The following ORC2 variants were observed in gnomAD, a reference collection of about 807,000 sequenced individuals.
ORC2 encodes origin recognition complex subunit 2.
In ORC2, 37 loss-of-function variants were observed where a neutral mutation model predicts 77.7. The ratio of observed to expected loss-of-function variants is 0.48; its 90% confidence interval spans 0.37 to 0.63. The LOEUF is 0.63. ORC2 is among the 20% of genes least tolerant of loss of function. The pLI, the probability that ORC2 is intolerant of heterozygous loss-of-function variation, is 0.00. For missense variants in ORC2, 557 were observed against 661.9 expected, an observed-to-expected ratio of 0.84 and a Z score of 1.74; for synonymous variants, 201 against 229.5, an observed-to-expected ratio of 0.88 and a Z score of 1.12.
chr2:200,960,785 T>C (rs1460196122), intron 1 of ORC2, among the ~76,000 whole-genome samples: 1 of 149,866 alleles, frequency 6.7e-6, no homozygotes, highest in African/African-American at 2.4e-5. Flanking sequence ...TAACTTCTTC[T>C]TTTTTTTTTC....
chr2:200,952,389 A>G (rs554958656), intron 4 of ORC2, among the ~76,000 whole-genome samples: 93 of 152,106 alleles, frequency 6.1e-4, no homozygotes, highest in African/African-American at 2.1e-3. Context: ...CCTCCCGAGT[A>G]GCTGGGACTA....
Position 200,913,374 on chromosome 2 carries a change from G to A in ORC2, c.1568C>T (p.Ala523Val). The change falls in exon 17 of 18, where the codon GCA becomes GTA. Residue 523 changes from alanine to valine, a missense_variant. Physicochemically the swap from Ala to Val is moderately conservative, Grantham distance 64. Transcript: ENST00000234296. ...FQDFYQQCRE[A>V]FLVNSDLTLR... ...TGTCAGATCACTATTGACGAGGAAT[G>A]CCTCCCGACACTGCTGGTAAAAATC... The A allele has an allele frequency of 6.3e-7, 1 of 1,598,476 alleles. No individual in the cohort carries two copies. Among genetic ancestry groups the A allele is most frequent in the African/African-American group, 1.3e-5 (1 of 74,646 alleles).
At chr2:200,914,168 T>TC (rs2040600116) in intron 15 of ORC2, among the ~76,000 whole-genome samples, 176 bp from the exon 16 acceptor site, 1 of 148,580 alleles carries the variant, frequency 6.7e-6, no homozygotes, top group African/African-American at 2.5e-5. Flanking sequence ...CTAATTTCTT[T>TC]TTTTTTTTTT....
Position 200,926,876 on chromosome 2 carries a change from A to G in ORC2, c.942T>C (p.Tyr314=), listed in dbSNP as rs1378771974. Residue 314 remains tyrosine (Y), a synonymous_variant, in exon 12 of 18, where the codon TAT becomes TAC. Coordinates refer to ENST00000234296, the MANE Select transcript of ORC2 (RefSeq NM_006190.5). The part of the protein sequence containing the change: ...QLHLGFNIVL[Y]GLGSKRDLLE... ...GTAAATCTCTCTTAGAACCCAAACC[A>G]TAAAGCACAATGTTGAACCCAAGGC... is the stretch of plus-strand genomic sequence containing the variant. 6.2e-7 allele frequency: 1 copy of G among 1,614,008 alleles called. No homozygotes were observed. Among genetic ancestry groups the G allele is most frequent in the Non-Finnish European group, 8.5e-7 (1 of 1,179,934 alleles).
intron 11 of ORC2, among the ~76,000 whole-genome samples, chr2:200,929,918 G>C (rs1405251298): frequency 6.6e-6 from 1 of 152,156 alleles, no homozygotes; most frequent in Non-Finnish European, 1.5e-5. Flanking sequence ...TTTCAGATGA[G>C]TTTAATTTTA....
chr2:200,948,261 C>G (rs1187701379), intron 5 of ORC2, among the ~76,000 whole-genome samples: 1 of 152,034 alleles, frequency 6.6e-6, no homozygotes, highest in Non-Finnish European at 1.5e-5. Flanking sequence ...GTTGCCCAGG[C>G]TGGTACTGAA....
chr2:200,944,421 C>A (rs2041214627), intron 5 of ORC2, among the ~76,000 whole-genome samples: 1 of 152,176 alleles, frequency 6.6e-6, no homozygotes, highest in Non-Finnish European at 1.5e-5. Flanking sequence ...GATCTGCCTG[C>A]CTTGGCCTCC....
chr2:200,922,375 T>TA (rs777219779), intron 13 of ORC2, among the ~76,000 whole-genome samples: 1,542 of 68,408 alleles, frequency 0.023, 22 homozygotes, highest in Middle Eastern at 0.047. Flanking sequence ...ATGAAATAGG[T>TA]AAAAAAAAAA....
chr2:200,930,505 A>G (rs919189575), intron 11 of ORC2, among the ~76,000 whole-genome samples: 5 of 140,992 alleles, frequency 3.5e-5, no homozygotes, highest in Non-Finnish European at 7.6e-5. Context: ...TCCTAGCATA[A>G]CTTTTTTTTT....
intron 11 of ORC2, among the ~76,000 whole-genome samples, chr2:200,930,442 TA>T (rs2040920082): frequency 6.6e-6 from 1 of 151,810 alleles, no homozygotes; most frequent in African/African-American, 2.4e-5. Context: ...CATAGATCCA[TA>T]AATAGTTATT....
chr2:200,956,310 G>A (rs1347077731), intron 4 of ORC2, among the ~76,000 whole-genome samples: 2 of 151,842 alleles, frequency 1.3e-5, no homozygotes, highest in African/African-American at 4.8e-5. Context: ...GCTCACTGCT[G>A]CCTCAACCTC....
chr2:200,924,184 C>CA (rs2040804702), intron 13 of ORC2, among the ~76,000 whole-genome samples: 1 of 151,992 alleles, frequency 6.6e-6, no homozygotes, highest in Non-Finnish European at 1.5e-5. Flanking sequence ...TCCATCTCTA[C>CA]AAAAAATTTT....
chr2:200,939,620 C>A (rs1289530621), intron 7 of ORC2, among the ~76,000 whole-genome samples: 1 of 152,158 alleles, frequency 6.6e-6, no homozygotes, highest in Non-Finnish European at 1.5e-5. Context: ...AATCAGTTTA[C>A]CATTTTGAAA....
intron 12 of ORC2, 108 bp from the exon 13 acceptor site, chr2:200,926,040 A>G (rs1436424932): frequency 4.5e-6 from 2 of 444,292 alleles, no homozygotes; most frequent in Non-Finnish European, 8.2e-6. Flanking sequence ...TGGATTTCCC[A>G]AAAGTTTAAA....
At chr2:200,952,579 C>G (rs1363816016) in intron 4 of ORC2, among the ~76,000 whole-genome samples, 1 of 151,900 alleles carries the variant, frequency 6.6e-6, no homozygotes, top group Non-Finnish European at 1.5e-5. Context: ...TTATTTTTGT[C>G]TGAATGTCAA....
chr2:200,913,923 T>C lies in ORC2; in HGVS notation c.1528+8A>G. ...ATTACACAATTGAATGTCATAAATA[T>C]TGGATACCAATGTAAGAAGGGTTAT... is the stretch of plus-strand genomic sequence containing the variant. On this transcript the variant is annotated splice_region_variant and intron_variant, in intron 16 of 17. Coordinates refer to ENST00000234296, the MANE Select transcript of ORC2 (RefSeq NM_006190.5). 1 of 1,584,194 alleles carries C rather than the reference T, an allele frequency of 6.3e-7. No homozygotes were observed. The highest frequency in any genetic ancestry group is 8.5e-7 in the Non-Finnish European group (1 of 1,171,276).
chr2:200,923,422 G>A (rs2040790628), intron 13 of ORC2, among the ~76,000 whole-genome samples: 1 of 151,780 alleles, frequency 6.6e-6, no homozygotes, highest in African/African-American at 2.4e-5. Flanking sequence ...CTAGTTTTTT[G>A]TATTTTTTGT....
chr2:200,953,352 GAT>G (rs1272052181), intron 4 of ORC2, among the ~76,000 whole-genome samples: 4 of 149,640 alleles, frequency 2.7e-5, no homozygotes, highest in South Asian at 2.1e-4. Context: ...AGAATTTAAC[GAT>G]ATGTTAAATT....
chr2:200,930,910 T>C (rs1467778010), intron 11 of ORC2, among the ~76,000 whole-genome samples: 1 of 152,166 alleles, frequency 6.6e-6, no homozygotes, highest in Admixed American at 6.5e-5. Flanking sequence ...AATCTGTTCA[T>C]AAAATTCTGA....
Sources: allele counts gnomAD v4.1 joint callset (sites outside exome capture counted in the v4.1 genomes callset), GRCh38; gene constraint gnomAD v4.1.1; transcripts MANE v1.5; gene names NCBI Gene and HGNC (gene_info 2026-07-23, HGNC 2026-07-21).